Variants in PCDH11Y observed in about 807,000 individuals in gnomAD.
PCDH11Y encodes the protein protocadherin-11 Y-linked.
For synonymous variants in PCDH11Y, 9 were observed against 83.6 expected (o/e 0.11, Z 4.87); for missense variants, 12 against 224.8 (o/e 0.05, Z 6.05).
chrY:5,537,380 C>A, intron 3 of PCDH11Y, among the ~76,000 whole-genome samples: 1 of 23,501 alleles, frequency 4.3e-5, no homozygotes, highest in Non-Finnish European at 9.8e-5. Flanking sequence ...TGATTTTTTT[C>A]TTTATTTGTT....
At chrY:5,507,394 G>A in intron 3 of PCDH11Y, among the ~76,000 whole-genome samples, 1 of 32,442 alleles carries the variant, frequency 3.1e-5, no homozygotes, top group Non-Finnish European at 7.7e-5. Context: ...TAGACCAATT[G>A]AAAAATGACT....
chrY:5,373,718 T>TTA (rs1602914407), intron 2 of PCDH11Y, among the ~76,000 whole-genome samples: 6 of 24,889 alleles, frequency 2.4e-4, no homozygotes, highest in East Asian at 9.6e-4. Flanking sequence ...ACTTATATGT[T>TTA]TATATATATA....
At chrY:5,093,620 T>A (rs2124634202) in intron 1 of PCDH11Y, among the ~76,000 whole-genome samples, 1 of 31,539 alleles carries the variant, frequency 3.2e-5, no homozygotes, top group Admixed American at 2.9e-4. Context: ...TACAACTAGG[T>A]TGTAAAATTT....
chrY:5,690,063 C>T (rs2053566693), intron 4 of PCDH11Y, among the ~76,000 whole-genome samples: 2 of 30,447 alleles, frequency 6.6e-5, no homozygotes, highest in Non-Finnish European at 1.6e-4. Context: ...GACATAGAAA[C>T]GGTATTATGG....
At chrY:5,292,734 A>G (rs2124662150) in intron 2 of PCDH11Y, among the ~76,000 whole-genome samples, 2 of 33,298 alleles carry the variant, frequency 6.0e-5, no homozygotes, top group South Asian at 1.3e-3. Flanking sequence ...TCCTCATTTC[A>G]AGTTCATTTA....
intron 2 of PCDH11Y, among the ~76,000 whole-genome samples, chrY:5,382,929 C>T (rs2053206548): frequency 3.3e-4 from 11 of 33,407 alleles, no homozygotes; most frequent in East Asian, 7.9e-4. Flanking sequence ...AGGCCGGTCG[C>T]GGTAGCTCAT....
At position 5,138,751 on chromosome Y, in the gene PCDH11Y, A is replaced by G. The variant is rs1209845762; in HGVS notation, c.3129+38044A>G. 0.022 allele frequency among the ~76,000 whole-genome samples: 684 copies of G among 31,491 alleles called. No homozygotes were observed. In the Middle Eastern group the frequency reaches 0.22, roughly 10 times the overall value. The allele number at this position is 31,491 out of a possible 37,273, so 84.5% of individuals were successfully genotyped here. ...AACAACAAGTAGCAAGATTGAAACAATAATAAAAAATTGCCAACAAAAAGA... is the reference window on the plus strand; with the variant it reads ...AACAACAAGTAGCAAGATTGAAACAGTAATAAAAAATTGCCAACAAAAAGA... On this transcript the variant is annotated intron_variant, in intron 2 of 4. Transcript: ENST00000400457.
At chrY:5,000,902 G>A in intron 1 of PCDH11Y, among the ~76,000 whole-genome samples, 1 of 33,361 alleles carries the variant, frequency 3.0e-5, no homozygotes, top group African/African-American at 1.2e-4. Context: ...GAATTTCCCC[G>A]ACATTGGCTG....
intron 4 of PCDH11Y, among the ~76,000 whole-genome samples, chrY:5,616,982 C>T: frequency 3.2e-5 from 1 of 31,561 alleles, no homozygotes; most frequent in Non-Finnish European, 7.7e-5. Flanking sequence ...AATAGTATGG[C>T]TTTGTTTCAA....
chrY:5,013,822 G>A, intron 1 of PCDH11Y, among the ~76,000 whole-genome samples: 1 of 32,261 alleles, frequency 3.1e-5, no homozygotes, highest in Non-Finnish European at 7.6e-5. Flanking sequence ...CTATTAGGTC[G>A]AAGCAAAAAT....
intron 3 of PCDH11Y, among the ~76,000 whole-genome samples, chrY:5,532,446 T>G (rs2124691666): frequency 4.4e-5 from 1 of 22,689 alleles, no homozygotes; most frequent in Admixed American, 4.2e-4. Flanking sequence ...TTTTTTTTTT[T>G]GTCTTTTTTT....
intron 2 of PCDH11Y, among the ~76,000 whole-genome samples, chrY:5,387,460 G>T (rs1226629433): frequency 1.5e-4 from 5 of 32,688 alleles, no homozygotes; most frequent in Non-Finnish European, 3.7e-4. Context: ...CCATGCAGAA[G>T]GGCTAACAGG....
chrY:5,319,183 C>A, intron 2 of PCDH11Y, among the ~76,000 whole-genome samples: 1 of 33,006 alleles, frequency 3.0e-5, no homozygotes, highest in African/African-American at 1.2e-4. Flanking sequence ...CATTTAACTG[C>A]TCTATCATGT....
intron 2 of PCDH11Y, among the ~76,000 whole-genome samples, chrY:5,483,436 C>G (rs2124686088): frequency 3.1e-5 from 1 of 32,431 alleles, no homozygotes; most frequent in Admixed American, 2.8e-4. Context: ...GATCATAGTG[C>G]CAACAGAGGA....
chrY:5,108,625 T>G, downstream of PCDH11Y, among the ~76,000 whole-genome samples: 1 of 29,270 alleles, frequency 3.4e-5, no homozygotes, highest in Non-Finnish European at 8.0e-5. Flanking sequence ...CGGGCGCCTG[T>G]AGTCCCAGCT....
chrY:5,328,550 G>A, intron 2 of PCDH11Y, among the ~76,000 whole-genome samples: 1 of 32,611 alleles, frequency 3.1e-5, no homozygotes, highest in Non-Finnish European at 7.5e-5. Flanking sequence ...GTGTCTCAGG[G>A]TTGCTGCCGA....
chrY:5,142,688 G>T, intron 2 of PCDH11Y, among the ~76,000 whole-genome samples: 1 of 32,970 alleles, frequency 3.0e-5, no homozygotes, highest in Non-Finnish European at 7.5e-5. Flanking sequence ...TTCTATGAGA[G>T]ATAGCCCTAT....
At chrY:5,310,463 C>T in intron 2 of PCDH11Y, among the ~76,000 whole-genome samples, 9 of 32,675 alleles carry the variant, frequency 2.8e-4, no homozygotes, top group Non-Finnish European at 4.5e-4. Context: ...TAAGATATGC[C>T]GTAAGTATAT....
intron 2 of PCDH11Y, among the ~76,000 whole-genome samples, chrY:5,202,236 C>T: frequency 9.2e-5 from 3 of 32,613 alleles, no homozygotes; most frequent in African/African-American, 3.6e-4. Flanking sequence ...ATGTCATCAC[C>T]CTTTCTCCTA....
Sources: allele counts gnomAD v4.1 joint callset (sites outside exome capture counted in the v4.1 genomes callset), GRCh38; gene constraint gnomAD v4.1.1; transcripts MANE v1.5; gene names NCBI Gene and HGNC (gene_info 2026-07-23, HGNC 2026-07-21).